Variants in WDFY4 observed in about 807,000 individuals in gnomAD.
WDFY4 encodes the protein WDFY family member 4.
In WDFY4, 169 loss-of-function variants were observed where a neutral mutation model predicts 351.9. The ratio of observed to expected loss-of-function variants is 0.48; its 90% CI spans 0.42 to 0.55. WDFY4 has a LOEUF of 0.55. Among genes scored for constraint, WDFY4 ranks in the 20% least tolerant of loss-of-function variants. The pLI is 0.00. For missense variants in WDFY4, 3,803 were observed against 3,935.6 expected (o/e 0.97, Z 0.90); for synonymous variants, 1,622 against 1,574.6 (o/e 1.03, Z -0.71).
chr10:48,955,163 G>A (rs557998409), intron 51 of WDFY4, among the ~76,000 whole-genome samples: 1 of 152,162 alleles, frequency 6.6e-6, no homozygotes, highest in African/African-American at 2.4e-5. Context: ...TGAGTGACTC[G>A]TTAGGTGAAT....
intron 47 of WDFY4, among the ~76,000 whole-genome samples, chr10:48,916,871 ATGTGTGTGTGTGTGTGTGTGTG>A (rs55891907): frequency 1.3e-5 from 2 of 149,286 alleles, no homozygotes; most frequent in African/African-American, 4.9e-5. Context: ...CTTTAAAAAT[ATGTGTGTGTGTGTGTGTGTGTG>A]TGTGTGTGTG....
At position 48,882,657 on chromosome 10, in the gene WDFY4, G is replaced by T. The variant is rs112765744; in HGVS notation, c.7167+5458G>T. On this transcript the variant is annotated intron_variant, in intron 43 of 61. Transcript: ENST00000325239. ...TGGTGGAAGGTGAATGGGAGCCAGC[G>T]CATCACATAGTGAGAGAGGCAGCAA... Among the ~76,000 whole-genome samples, 74 of 152,274 alleles carry T rather than the reference G, an allele frequency of 4.9e-4. 1 individual carries two copies. Among genetic ancestry groups the T allele is most frequent in the African/African-American group, 1.7e-3 (72 of 41,546 alleles).
At chr10:48,929,593 C>T (rs1370930954) in intron 47 of WDFY4, among the ~76,000 whole-genome samples, 1 of 152,226 alleles carries the variant, frequency 6.6e-6, no homozygotes, top group African/African-American at 2.4e-5. Flanking sequence ...CTGGTAAGCC[C>T]ACCTAGTCTC....
chr10:48,816,827 A>G (rs1445993058), intron 31 of WDFY4, among the ~76,000 whole-genome samples: 1 of 152,244 alleles, frequency 6.6e-6, no homozygotes, highest in African/African-American at 2.4e-5. Flanking sequence ...AACAAGACTC[A>G]GACTTCTAAG....
intron 13 of WDFY4, among the ~76,000 whole-genome samples, chr10:48,771,083 G>A (rs1416600618): frequency 6.6e-6 from 1 of 152,260 alleles, no homozygotes; most frequent in Non-Finnish European, 1.5e-5. Context: ...TGAGGCAAGA[G>A]CTACAGGGCC....
At chr10:48,830,200 G>A (rs1331979096) in intron 37 of WDFY4, among the ~76,000 whole-genome samples, 1 of 152,208 alleles carries the variant, frequency 6.6e-6, no homozygotes, top group East Asian at 1.9e-4. Flanking sequence ...TGGGTAGTGA[G>A]AAGCAAGGTC....
chr10:48,812,938 T>A (rs886827784), intron 30 of WDFY4, among the ~76,000 whole-genome samples: 1 of 152,186 alleles, frequency 6.6e-6, no homozygotes, highest in Admixed American at 6.5e-5. Flanking sequence ...GGGAGTGTCC[T>A]CCCTCAGCAC....
chr10:48,945,718 G>T (rs1234905808), intron 49 of WDFY4, among the ~76,000 whole-genome samples: 1 of 152,220 alleles, frequency 6.6e-6, no homozygotes, highest in Non-Finnish European at 1.5e-5. Flanking sequence ...CAGTTTAGGA[G>T]CCAAGTGCCT....
chr10:48,920,403 T>C (rs1397186613), intron 47 of WDFY4, among the ~76,000 whole-genome samples: 1 of 152,014 alleles, frequency 6.6e-6, no homozygotes. Context: ...CATTAGGAGA[T>C]ATACCTAATG....
intron 39 of WDFY4, among the ~76,000 whole-genome samples, chr10:48,843,935 G>A (rs970331104): frequency 1.3e-5 from 2 of 152,202 alleles, no homozygotes; most frequent in Admixed American, 6.5e-5. Context: ...GCATTCAAAA[G>A]ACAGAAGTGT....
Position 48,828,804 on chromosome 10 carries a change from C to T in WDFY4, c.6248C>T (p.Pro2083Leu), listed in dbSNP as rs1279218871. 1.3e-6 allele frequency: 2 copies of T among 1,548,004 alleles called. No homozygotes were observed. The highest frequency in any genetic ancestry group is 1.7e-6 in the Non-Finnish European group (2 of 1,145,650). ...RSYPEGFGLE[P>L]KPRMSTYHQV... The stretch of plus-strand genomic sequence containing the variant: ...TACCCAGAAGGATTTGGATTGGAGC[C>T]CAAGCCTAGAATGTCTACTTATCAT... Residue 2083 changes from proline (P) to leucine (L), a missense_variant, in exon 37 of 62, where the codon CCC becomes CTC. Coordinates refer to ENST00000325239, the MANE Select transcript of WDFY4 (RefSeq NM_001394531.1).
In WDFY4 at chr10:48,786,636, C is replaced by T. The variant is rs2066414160; in HGVS notation, c.3577-3C>T. ...CTCACTCTTGTCCTTTTTATTTTAA[C>T]AGATGTTATACATCCAGGCTCTACC... is the stretch of plus-strand genomic sequence containing the variant. On this transcript the variant is annotated splice_polypyrimidine_tract_variant and splice_region_variant and intron_variant, in intron 19 of 61. Coordinates refer to ENST00000325239, the MANE Select transcript of WDFY4 (RefSeq NM_001394531.1). The T allele has an allele frequency of 6.5e-7, 1 of 1,547,588 alleles. No homozygotes were observed. Among genetic ancestry groups the T allele is most frequent in the Non-Finnish European group, 8.7e-7 (1 of 1,145,280 alleles).
At chr10:48,827,729 C>T (rs1470232994) in intron 36 of WDFY4, among the ~76,000 whole-genome samples, 1 of 151,540 alleles carries the variant, frequency 6.6e-6, no homozygotes, top group Non-Finnish European at 1.5e-5. Flanking sequence ...AAAACAATCC[C>T]CCACATCCTG....
chr10:48,882,075 C>T (rs1056294348), intron 43 of WDFY4, among the ~76,000 whole-genome samples: 3 of 152,220 alleles, frequency 2.0e-5, no homozygotes, highest in African/African-American at 7.2e-5. Flanking sequence ...CAGGTGAGCT[C>T]AGCCTGACAG....
chr10:48,893,120 G>C (rs1836896756), intron 44 of WDFY4, among the ~76,000 whole-genome samples: 1 of 152,200 alleles, frequency 6.6e-6, no homozygotes, highest in Admixed American at 6.5e-5. Flanking sequence ...TCTTGTGTTT[G>C]CAGACAATCC....
intron 2 of WDFY4, among the ~76,000 whole-genome samples, chr10:48,714,457 G>A (rs2063845482): frequency 2.0e-5 from 3 of 152,236 alleles, no homozygotes; most frequent in Non-Finnish European, 2.9e-5. Flanking sequence ...GTGGTGTGCA[G>A]AGTAGTGTTT....
At chr10:48,705,056 A>G (rs955238456) in intron 1 of WDFY4, among the ~76,000 whole-genome samples, 5 of 152,208 alleles carry the variant, frequency 3.3e-5, no homozygotes, top group African/African-American at 1.2e-4. Context: ...TTCAAACCCC[A>G]GCAGTCTGGC....
chr10:48,966,900 CTT>C (rs1463744240), intron 55 of WDFY4: 36 of 570,002 alleles, frequency 6.3e-5, no homozygotes, highest in Non-Finnish European at 1.0e-4. Context: ...GTCTCTCTGT[CTT>C]TCTGTCTGTC....
At chr10:48,959,293 G>A (rs1170273968) in intron 52 of WDFY4, among the ~76,000 whole-genome samples, 6 of 152,230 alleles carry the variant, frequency 3.9e-5, no homozygotes, top group South Asian at 2.1e-4. Flanking sequence ...GTGAGGTGAT[G>A]TGTGGCCAGG....
Sources: gnomAD v4.1 joint callset for allele counts (sites outside exome capture counted in the v4.1 genomes callset) on GRCh38, gnomAD v4.1.1 for gene constraint, MANE v1.5 for transcripts, NCBI Gene and HGNC (gene_info 2026-07-23, HGNC 2026-07-21) for gene names.